CFAP299: variants seen among roughly 807,000 people sequenced by gnomAD.
CFAP299 encodes the protein cilia- and flagella-associated protein 299.
CFAP299 carries 21 observed loss-of-function variants against 27.0 expected under a neutral mutation model. The ratio of observed to expected loss-of-function variants is 0.78; its 90% CI spans 0.55 to 1.12. CFAP299 has a LOEUF of 1.12. Ranked by LOEUF, CFAP299 falls within the 50% of genes most tolerant of loss-of-function variation. CFAP299 has a pLI of 0.00. For synonymous variants in CFAP299, 104 were observed against 98.1 expected, an observed-to-expected ratio of 1.06 and a Z score of -0.36; for missense variants, 310 against 276.6, an observed-to-expected ratio of 1.12 and a Z score of -0.86.
At chr4:80,671,950 C>T (rs942262942) in intron 3 of CFAP299, among the ~76,000 whole-genome samples, 2 of 152,162 alleles carry the variant, frequency 1.3e-5, no homozygotes, top group Admixed American at 1.3e-4. Context: ...CATCTGCACA[C>T]AGGGACAATT....
chr4:80,386,818 C>T, intron 2 of CFAP299: 1 of 968,280 alleles, frequency 1.0e-6, no homozygotes, highest in South Asian at 1.3e-5. Flanking sequence ...ATTTATATTT[C>T]TTGAAGGGCT....
chr4:80,469,179 A>G (rs1375854738), intron 2 of CFAP299, among the ~76,000 whole-genome samples: 1 of 152,224 alleles, frequency 6.6e-6, no homozygotes, highest in Non-Finnish European at 1.5e-5. Flanking sequence ...GCCACACCTT[A>G]GATTTACTGA....
intron 3 of CFAP299, among the ~76,000 whole-genome samples, chr4:80,668,453 G>T (rs1741254654): frequency 2.6e-5 from 4 of 152,116 alleles, no homozygotes. Flanking sequence ...TAAGACTTCA[G>T]TCTGTAATCT....
At chr4:80,534,650 A>G (rs1733640011) in intron 2 of CFAP299, among the ~76,000 whole-genome samples, 1 of 152,080 alleles carries the variant, frequency 6.6e-6, no homozygotes, top group African/African-American at 2.4e-5. Context: ...GTATAAAGAC[A>G]TATGTTTAAA....
intron 2 of CFAP299, among the ~76,000 whole-genome samples, chr4:80,477,483 C>G (rs754885975): frequency 2.0e-5 from 3 of 152,184 alleles, no homozygotes; most frequent in Non-Finnish European, 4.4e-5. Context: ...ATTTTGGCCA[C>G]TCAGGCTTTG....
At chr4:80,618,994 T>C (rs968886965) in intron 3 of CFAP299, among the ~76,000 whole-genome samples, 3 of 152,154 alleles carry the variant, frequency 2.0e-5, no homozygotes, top group African/African-American at 7.2e-5. Context: ...TAATATTTAT[T>C]ACTTAAGGGA....
At chr4:80,477,900 G>A (rs531734759) in intron 2 of CFAP299, among the ~76,000 whole-genome samples, 1 of 152,268 alleles carries the variant, frequency 6.6e-6, no homozygotes, top group East Asian at 1.9e-4. Flanking sequence ...TGTGCTTACA[G>A]AGCTGCAAAT....
At chr4:80,398,464 A>G (rs1725943250) in intron 2 of CFAP299, among the ~76,000 whole-genome samples, 1 of 152,188 alleles carries the variant, frequency 6.6e-6, no homozygotes, top group African/African-American at 2.4e-5. Context: ...AGTAACCAAA[A>G]CAGCATGGTA....
intron 3 of CFAP299, among the ~76,000 whole-genome samples, chr4:80,765,661 CATGCAGG>C (rs1725821928): frequency 6.6e-6 from 1 of 151,758 alleles, no homozygotes. Flanking sequence ...ATGTGCACAA[CATGCAGG>C]TTTGTTAGCA....
intron 3 of CFAP299, among the ~76,000 whole-genome samples, chr4:80,692,612 T>A (rs1396306619): frequency 6.6e-6 from 1 of 152,078 alleles, no homozygotes; most frequent in Non-Finnish European, 1.5e-5. Context: ...AACCTAGGCA[T>A]TACCATTCAG....
intron 3 of CFAP299, among the ~76,000 whole-genome samples, chr4:80,706,323 A>G (rs1721817374): frequency 6.6e-6 from 1 of 151,720 alleles, no homozygotes; most frequent in East Asian, 1.9e-4. Flanking sequence ...ACCCCCCTGT[A>G]TTGTCTAAGT....
intron 2 of CFAP299, among the ~76,000 whole-genome samples, chr4:80,446,287 C>A (rs998947702): frequency 1.3e-5 from 2 of 152,104 alleles, no homozygotes; most frequent in African/African-American, 4.8e-5. Flanking sequence ...TTTATTCCTG[C>A]ATCAAGCAGT....
intron 2 of CFAP299, among the ~76,000 whole-genome samples, chr4:80,425,857 G>A (rs981087198): frequency 2.6e-5 from 4 of 152,202 alleles, no homozygotes; most frequent in African/African-American, 9.6e-5. Context: ...AATGATTATA[G>A]TCTTGTGTAA....
chr4:80,578,790 T>G (rs571400697), intron 2 of CFAP299, among the ~76,000 whole-genome samples: 5 of 152,326 alleles, frequency 3.3e-5, no homozygotes, highest in Non-Finnish European at 2.9e-5. Flanking sequence ...ATATTCCATC[T>G]TATATTTTAG....
At chr4:80,392,977 G>A (rs1020387190) in intron 2 of CFAP299, among the ~76,000 whole-genome samples, 30 of 152,262 alleles carry the variant, frequency 2.0e-4, no homozygotes, top group African/African-American at 6.5e-4. Flanking sequence ...TGTTATCATA[G>A]GAGATGACAG....
chr4:80,414,312 C>T (rs1001278444), intron 2 of CFAP299, among the ~76,000 whole-genome samples: 4 of 151,638 alleles, frequency 2.6e-5, no homozygotes, highest in Non-Finnish European at 4.4e-5. Context: ...CCTCGTGATC[C>T]GCCCGCCTCG....
chr4:80,532,084 G>T (rs1486151100), intron 2 of CFAP299, among the ~76,000 whole-genome samples: 2 of 152,054 alleles, frequency 1.3e-5, no homozygotes, highest in African/African-American at 4.8e-5. Context: ...TGGGGCTCTA[G>T]GAAAGATTTT....
chr4:80,635,002 CTT>C (rs1413579597), intron 3 of CFAP299, among the ~76,000 whole-genome samples: 3 of 152,050 alleles, frequency 2.0e-5, no homozygotes, highest in Non-Finnish European at 2.9e-5. Context: ...TAAATCATCT[CTT>C]ATTATGCTGT....
intron 2 of CFAP299, among the ~76,000 whole-genome samples, chr4:80,402,776 A>C (rs1178734171): frequency 6.6e-6 from 1 of 152,192 alleles, no homozygotes; most frequent in Admixed American, 6.5e-5. Context: ...GACAATATAT[A>C]ATCTATCTTC....
Sources: gnomAD v4.1 joint callset for allele counts (sites outside exome capture counted in the v4.1 genomes callset) on GRCh38, gnomAD v4.1.1 for gene constraint, MANE v1.5 for transcripts, NCBI Gene and HGNC (gene_info 2026-07-23, HGNC 2026-07-21) for gene names.